ADGRG4: variants seen among roughly 807,000 people sequenced by gnomAD.
ADGRG4 encodes G protein-coupled receptor 112.
In ADGRG4, 122 loss-of-function variants were observed where a neutral mutation model predicts 126.2. That is an observed-to-expected ratio of 0.97 (90% CI 0.83 to 1.12). The LOEUF (loss-of-function observed/expected upper bound fraction) is 1.12. ADGRG4 is among the 50% of genes most tolerant of loss of function. The pLI, the probability that ADGRG4 is intolerant of heterozygous loss-of-function variation, is 0.00. For missense variants in ADGRG4, 2,481 were observed against 2,251.8 expected (o/e 1.10, Z -2.06); for synonymous variants, 943 against 838.7 (o/e 1.12, Z -2.15).
chrX:136,351,145 T>C (rs771346455), intron 6 of ADGRG4, among the ~76,000 whole-genome samples: 6 of 111,534 alleles, frequency 5.4e-5, no homozygotes, highest in South Asian at 7.6e-4. Flanking sequence ...GGCCATTGAG[T>C]GGACTGAAAG....
At chrX:136,358,410 TACAGG>T (rs890032617) in intron 10 of ADGRG4, among the ~76,000 whole-genome samples, 3 of 111,864 alleles carry the variant, frequency 2.7e-5, no homozygotes, top group Admixed American at 9.5e-5. Context: ...TTTGAGCAAG[TACAGG>T]TATGTCTAAC....
intron 10 of ADGRG4, 105 bp from the exon 11 acceptor site, chrX:136,359,187 A>G (rs1265277207): frequency 1.6e-5 from 10 of 621,894 alleles, no homozygotes; most frequent in Non-Finnish European, 2.5e-5. Flanking sequence ...TTTGACATTT[A>G]TGAACTACCA....
chrX:136,359,107 T>A (rs1345618825), intron 10 of ADGRG4, among the ~76,000 whole-genome samples, 185 bp from the exon 11 acceptor site: 1 of 112,600 alleles, frequency 8.9e-6, no homozygotes, highest in East Asian at 2.8e-4. Context: ...TAAGAGAAAA[T>A]TTATCAGAAC....
At chrX:136,383,049 T>C (rs1200032274) in intron 15 of ADGRG4, among the ~76,000 whole-genome samples, 1 of 111,483 alleles carries the variant, frequency 9.0e-6, no homozygotes, top group East Asian at 2.8e-4. Context: ...AAGTACCATA[T>C]ATTGGACGCT....
At chrX:136,395,546 C>T in intron 19 of ADGRG4, 53 bp downstream of exon 19, 1 of 677,480 alleles carries the variant, frequency 1.5e-6, no homozygotes, top group Non-Finnish European at 2.3e-6. Flanking sequence ...TTTTATTAGA[C>T]CAGTAATATA....
rs373714382 is a variant in ADGRG4 at position 136,350,169 on chromosome X, T to C, written c.6463T>C (p.Ser2155Pro). Reference sequence around the variant, plus strand: ...TCTGCCTAGCTCTACAATAACATCTTCATGGAACAGAATTCCAACTGCATC... The same window carrying C: ...TCTGCCTAGCTCTACAATAACATCTCCATGGAACAGAATTCCAACTGCATC... Reference protein sequence around the residue: ...MPLPSSTITSSWNRIPTASSP... With the variant: ...MPLPSSTITSPWNRIPTASSP... The change falls in exon 6 of 26, where the codon TCA becomes CCA. Residue 2155 changes from serine to proline, a missense_variant. Transcript: ENST00000394143. The C allele has an allele frequency of 7.9e-5, 96 of 1,208,832 alleles. No homozygotes were observed. The highest frequency in any genetic ancestry group is 1.1e-4 in the Non-Finnish European group (94 of 894,444).
intron 22 of ADGRG4, among the ~76,000 whole-genome samples, chrX:136,403,600 T>C (rs1198085234): frequency 1.8e-5 from 2 of 112,334 alleles, no homozygotes; most frequent in Non-Finnish European, 3.8e-5. Context: ...TAAAATGATA[T>C]GATGTATGAA....
At chrX:136,416,027 A>G (rs1439953602) in intron 25 of ADGRG4, among the ~76,000 whole-genome samples, 1 of 112,037 alleles carries the variant, frequency 8.9e-6, no homozygotes, top group Non-Finnish European at 1.9e-5. Flanking sequence ...ATTAGCAGAG[A>G]GTGAAAAATC....
intron 10 of ADGRG4, among the ~76,000 whole-genome samples, chrX:136,358,360 G>A (rs753848441): frequency 1.2e-4 from 13 of 111,688 alleles, no homozygotes; most frequent in South Asian, 3.8e-4. Flanking sequence ...ATAGATCAAG[G>A]GAGGGGCAGA....
chrX:136,410,368 G>A (rs1398764308), intron 23 of ADGRG4, among the ~76,000 whole-genome samples: 1 of 111,508 alleles, frequency 9.0e-6, no homozygotes. Context: ...ACATGGTGCT[G>A]GTGGGAGGTA....
intron 22 of ADGRG4, among the ~76,000 whole-genome samples, chrX:136,404,526 G>A (rs1447373617): frequency 8.9e-6 from 1 of 111,746 alleles, no homozygotes; most frequent in Non-Finnish European, 1.9e-5. Flanking sequence ...AGTAAGCCCC[G>A]CTTCCAACCC....
rs764915195 is a variant in ADGRG4, at chrX:136,344,653, A to T, written c.947A>T (p.Asp316Val). 1.0e-4 allele frequency: 124 copies of T among 1,208,708 alleles called. No individual in the cohort carries two copies. Among genetic ancestry groups the T allele is most frequent in the Middle Eastern group, 9.2e-4 (4 of 4,366 alleles). ...LVDETATFAV[D>V]VLSTSSAISL... ...GATGAGACAGCTACATTTGCAGTGG[A>T]TGTTTTATCAACTTCATCAGCCATC... is the stretch of plus-strand genomic sequence containing the variant. Residue 316 changes from aspartate (D) to valine (V), a missense_variant, in exon 6 of 26, where the codon GAT becomes GTT. Asp to Val is a radical substitution (Grantham distance 152, BLOSUM62 -3). Coordinates refer to ENST00000394143, the MANE Select transcript of ADGRG4 (RefSeq NM_153834.4).
rs757597932 is a variant in ADGRG4, at chrX:136,359,273, T to C, written c.6981-19T>C. 2 of 1,184,924 alleles carry C rather than the reference T, an allele frequency of 1.7e-6. No individual in the cohort carries two copies. Among genetic ancestry groups the C allele is most frequent in the East Asian group, 3.0e-5 (1 of 33,196 alleles). ...TTGACATAACTGCAACAATCTTTCTTTTTTATTCTGCTTTGTAGTTGTGTT... is the reference window on the plus strand; with the variant it reads ...TTGACATAACTGCAACAATCTTTCTCTTTTATTCTGCTTTGTAGTTGTGTT... On this transcript the variant is annotated intron_variant, in intron 10 of 25. Transcript: ENST00000394143.
At chrX:136,401,507 G>T (rs2148497476) in intron 21 of ADGRG4, among the ~76,000 whole-genome samples, 1 of 111,555 alleles carries the variant, frequency 9.0e-6, no homozygotes, top group South Asian at 3.8e-4. Context: ...GCTAAAGCTT[G>T]GTACTTGGAA....
At position 136,350,015 on chromosome X, in the gene ADGRG4, A is replaced by G. The variant is rs200279364; in HGVS notation, c.6309A>G (p.Thr2103=). 6.0e-5 allele frequency: 72 copies of G among 1,208,785 alleles called. No individual in the cohort carries two copies. The East Asian group carries it at 2.1e-3, about 35-fold the overall frequency. The change falls in exon 6 of 26, where the codon ACA becomes ACG. Residue 2103 remains threonine (T), a synonymous_variant. Transcript: ENST00000394143. ...CAGATGACATTGTGTACATTTCCACACACCCTGAGGCATCCTCCAGAACCA... is the reference window on the plus strand; with the variant it reads ...CAGATGACATTGTGTACATTTCCACGCACCCTGAGGCATCCTCCAGAACCA... The part of the protein sequence containing the change: ...NVTDDIVYIS[T]HPEASSRTTI...
intron 1 of ADGRG4, among the ~76,000 whole-genome samples, 195 bp from the exon 2 acceptor site, chrX:136,303,938 C>A (rs377650928): frequency 9.0e-6 from 1 of 111,124 alleles, no homozygotes; most frequent in Non-Finnish European, 1.9e-5. Context: ...CAGCTCAGCC[C>A]TCTCTGTGGG....
intron 5 of ADGRG4, among the ~76,000 whole-genome samples, chrX:136,326,374 A>G (rs764557020): frequency 1.8e-5 from 2 of 112,179 alleles, no homozygotes; most frequent in South Asian, 3.7e-4. Context: ...CAGGCATTTT[A>G]TACAAAAGGA....
chrX:136,374,811 C>T (rs1252302298), intron 15 of ADGRG4, among the ~76,000 whole-genome samples: 1 of 111,853 alleles, frequency 8.9e-6, no homozygotes, highest in Non-Finnish European at 1.9e-5. Context: ...TTTTCATGTT[C>T]ATATTTGTTA....
intron 4 of ADGRG4, among the ~76,000 whole-genome samples, chrX:136,310,906 C>A (rs1433051339): frequency 9.0e-6 from 1 of 111,457 alleles, no homozygotes; most frequent in Non-Finnish European, 1.9e-5. Flanking sequence ...AGTTCTCTGT[C>A]TTAGTCTGCT....
Sources: gnomAD v4.1 joint callset for allele counts (sites outside exome capture counted in the v4.1 genomes callset) on GRCh38, gnomAD v4.1.1 for gene constraint, MANE v1.5 for transcripts, NCBI Gene and HGNC (gene_info 2026-07-23, HGNC 2026-07-21) for gene names.